The following PPP2R2A variants were observed in gnomAD, a reference collection of about 807,000 sequenced individuals.
PPP2R2A encodes the protein serine/threonine-protein phosphatase 2A 55 kDa regulatory subunit B alpha isoform.
Under a neutral mutation model 53.2 loss-of-function variants are expected in PPP2R2A, and 9 were observed. That is an observed-to-expected ratio of 0.17 (90% CI 0.10 to 0.30). The LOEUF is 0.30. PPP2R2A is among the 10% of genes least tolerant of loss of function. The pLI is 1.00. For synonymous variants in PPP2R2A, 169 were observed against 174.2 expected, an observed-to-expected ratio of 0.97 and a Z score of 0.23; for missense variants, 235 against 534.6, an observed-to-expected ratio of 0.44 and a Z score of 5.53.
rs771945967 is a variant in PPP2R2A at position 26,370,117 on chromosome 8, ACTGT to A, written c.1065-14_1065-11del. 7.5e-6 allele frequency: 12 copies of A among 1,607,368 alleles called. No individual in the cohort carries two copies. The South Asian group carries it at 8.8e-5, about 12-fold the overall frequency. On this transcript the variant is annotated splice_polypyrimidine_tract_variant and intron_variant, in intron 9 of 9. Transcript: ENST00000380737. The surrounding 1 kb of genome is among the most constrained non-coding windows in gnomAD (Gnocchi z 6.1). ...TTGTTCTGCTTGTTTGACTGAGTGT[ACTGT>A]CTATTTTCACAGTGTTGTCATGACT...
chr8:26,368,418 C>T (rs555695916), intron 9 of PPP2R2A, among the ~76,000 whole-genome samples: 21 of 152,250 alleles, frequency 1.4e-4, no homozygotes, highest in Admixed American at 3.9e-4. Context: ...TTCAAACTTA[C>T]GAAGTTTTGT....
At chr8:26,328,253 GT>G (rs2117289813) in intron 2 of PPP2R2A, among the ~76,000 whole-genome samples, 1 of 152,222 alleles carries the variant, frequency 6.6e-6, no homozygotes, top group East Asian at 1.9e-4. Flanking sequence ...TAGTCCTTTT[GT>G]TCTCAATATA....
intron 2 of PPP2R2A, among the ~76,000 whole-genome samples, chr8:26,311,446 G>A (rs1585337926): frequency 1.3e-5 from 2 of 152,310 alleles, no homozygotes; most frequent in Admixed American, 1.3e-4. Flanking sequence ...TAGTTTCCCA[G>A]CTTCATCAGA....
intron 2 of PPP2R2A, among the ~76,000 whole-genome samples, chr8:26,298,988 G>A (rs118178822): frequency 1.1e-3 from 164 of 152,280 alleles, no homozygotes; most frequent in Middle Eastern, 3.4e-3. Flanking sequence ...CAAAATAATA[G>A]AACAGGCCAG....
intron 2 of PPP2R2A, among the ~76,000 whole-genome samples, chr8:26,297,731 A>G (rs942377824): frequency 6.6e-6 from 1 of 152,108 alleles, no homozygotes; most frequent in Non-Finnish European, 1.5e-5. Flanking sequence ...TACACATAAA[A>G]CAGAACAGTA....
At chr8:26,369,452 A>G (rs7006900) in intron 9 of PPP2R2A, among the ~76,000 whole-genome samples, 110,108 of 150,816 alleles carry the variant, frequency 0.73, 40,457 homozygotes, top group East Asian at 0.88. Context: ...GTGCAGTGGC[A>G]CGACCTTGGC....
intron 2 of PPP2R2A, among the ~76,000 whole-genome samples, chr8:26,295,388 T>A (rs1801498930): frequency 6.6e-6 from 1 of 152,238 alleles, no homozygotes; most frequent in Admixed American, 6.5e-5. Flanking sequence ...AAGTCCTCCC[T>A]TAATGTATAG....
rs1395146941 is a variant in PPP2R2A, at chr8:26,372,278, G to A, written c.*1865G>A. The A allele has an allele frequency of 1.3e-5, 2 of 152,058 alleles. No homozygotes were observed. Among genetic ancestry groups the A allele is most frequent in the African/African-American group, 4.8e-5 (2 of 41,388 alleles). 9.4% of individuals were successfully genotyped at this position (152,058 alleles called of 1,614,324 possible). A position where few individuals can be genotyped will look rare whatever the true frequency, so the allele number is the denominator to read the frequency against. ...TTCTTAATTTGTGTTTATTCTTCAC[G>A]CTTGACTTGCAAGTGGGATATTCCC... On this transcript the variant is annotated 3_prime_UTR_variant, in exon 10 of 10. Transcript: ENST00000380737.
chr8:26,353,618 A>T (rs1365140567), intron 3 of PPP2R2A, among the ~76,000 whole-genome samples: 2 of 152,212 alleles, frequency 1.3e-5, no homozygotes, highest in Non-Finnish European at 2.9e-5. Flanking sequence ...ATCGTGTGAT[A>T]ATAGGTCAAA....
At chr8:26,308,950 TC>T (rs1434895563) in intron 2 of PPP2R2A, among the ~76,000 whole-genome samples, 4 of 152,118 alleles carry the variant, frequency 2.6e-5, no homozygotes, top group African/African-American at 9.7e-5. Context: ...AGCCTTGACT[TC>T]CTGGGCTCAG....
chr8:26,363,606 C>G, intron 7 of PPP2R2A, 115 bp from the exon 8 acceptor site: 1 of 882,342 alleles, frequency 1.1e-6, no homozygotes, highest in Non-Finnish European at 1.6e-6. Context: ...TCTTTATTAG[C>G]CTGGCATTTT....
rs371658941 is a variant in PPP2R2A at position 26,363,728 on chromosome 8, A to C, written c.810A>C (p.Glu270Asp). 3 of 1,583,552 alleles carry C rather than the reference A, an allele frequency of 1.9e-6. No individual in the cohort carries two copies. The highest frequency in any genetic ancestry group is 1.7e-6 in the Non-Finnish European group (2 of 1,162,170). The change falls in exon 8 of 10, where the codon GAA becomes GAC. Residue 270 changes from glutamate (E) to aspartate (D), a missense_variant. Physicochemically the swap from Glu to Asp is conservative, Grantham distance 45. This residue lies in a region of PPP2R2A where 181 missense variants were observed against 409.9 expected (regional missense o/e 0.44). Transcript: ENST00000380737. Reference sequence around the variant, plus strand: ...GTTTTGTTTTGTTTTTAGTGTTTGAAGAACCTGAAGATCCCAGTAACAGGT... The same window carrying C: ...GTTTTGTTTTGTTTTTAGTGTTTGACGAACCTGAAGATCCCAGTAACAGGT... The part of the protein sequence containing the change: ...ALCDRHSKLF[E>D]EPEDPSNRSF...
chr8:26,293,477 T>C (rs1020360416), intron 1 of PPP2R2A, 189 bp from the exon 2 acceptor site: 2 of 705,884 alleles, frequency 2.8e-6, no homozygotes, highest in Non-Finnish European at 4.6e-6. Flanking sequence ...CTGGAATCTT[T>C]TTTTTCTTTC....
chr8:26,359,017 G>T, intron 4 of PPP2R2A: 1 of 450,062 alleles, frequency 2.2e-6, no homozygotes, highest in Admixed American at 2.4e-5. Context: ...AATGACCCAA[G>T]TTAACGCCAC....
chr8:26,336,517 T>C (rs1190226720), intron 2 of PPP2R2A, among the ~76,000 whole-genome samples: 1 of 152,174 alleles, frequency 6.6e-6, no homozygotes, highest in East Asian at 1.9e-4. Context: ...CTGTCCTTAC[T>C]GACTTAATCA....
rs1276551621 is a variant in PPP2R2A at position 26,370,574 on chromosome 8, CTG to C, written c.*164_*165del. ...TTGTTATAGCTACATGGAGAAAGCT[CTG>C]TGGATTCATCACTGTGGTGTTCTCC... is the stretch of plus-strand genomic sequence containing the variant. On this transcript the variant is annotated 3_prime_UTR_variant, in exon 10 of 10. Coordinates refer to ENST00000380737, the MANE Select transcript of PPP2R2A (RefSeq NM_002717.4). The surrounding 1 kb of genome is among the most constrained non-coding windows in gnomAD (Gnocchi z 6.1). The C allele has an allele frequency of 5.0e-6, 4 of 807,724 alleles. No individual in the cohort carries two copies. The highest frequency in any genetic ancestry group is 5.7e-6 in the Non-Finnish European group (3 of 523,430). The allele number at this position is 807,724 out of a possible 1,614,324, so 50.0% of individuals were successfully genotyped here.
intron 3 of PPP2R2A, chr8:26,350,719 A>G (rs916951711): frequency 2.6e-5 from 4 of 152,070 alleles, no homozygotes; most frequent in African/African-American, 9.7e-5. Flanking sequence ...TGCTTTTTAT[A>G]TGTTTATTGG....
Position 26,360,855 on chromosome 8 carries a change from A to G in PPP2R2A, c.460-119A>G, listed in dbSNP as rs1345223552. 11 of 946,826 alleles carry G rather than the reference A, an allele frequency of 1.2e-5. No individual in the cohort carries two copies. Among genetic ancestry groups the G allele is most frequent in the Non-Finnish European group, 1.7e-5 (11 of 656,744 alleles). The allele number at this position is 946,826 out of a possible 1,614,324, so 58.7% of individuals were successfully genotyped here. On this transcript the variant is annotated intron_variant, in intron 5 of 9. Transcript: ENST00000380737. This position sits in a 1 kb window ranked among gnomAD's most constrained non-coding sequence, Gnocchi z 4.5. Reference sequence around the variant, plus strand: ...TCAGTTGCTTTTTAAAACTAAATCTATGTAATATTGTTCTATTTTATGTTC... The same window carrying G: ...TCAGTTGCTTTTTAAAACTAAATCTGTGTAATATTGTTCTATTTTATGTTC...
At chr8:26,291,938 G>A in intron 1 of PPP2R2A, 112 bp downstream of exon 1, 2 of 1,340,234 alleles carry the variant, frequency 1.5e-6, no homozygotes, top group Non-Finnish European at 2.0e-6. Context: ...GCGCCCCTCG[G>A]GTTTGAGGGA....
Sources: allele counts gnomAD v4.1 joint callset (sites outside exome capture counted in the v4.1 genomes callset), GRCh38; gene constraint gnomAD v4.1.1; regional missense constraint gnomAD v4.1.1; non-coding constraint Gnocchi (gnomAD v3.1); transcripts MANE v1.5; gene names NCBI Gene and HGNC (gene_info 2026-07-23, HGNC 2026-07-21).